The following PLCB1 variants were observed in gnomAD, a reference collection of about 807,000 sequenced individuals.
The protein encoded by PLCB1 is 1-phosphatidylinositol 4,5-bisphosphate phosphodiesterase beta-1.
A neutral mutation model predicts 161.8 loss-of-function variants in PLCB1; 46 were observed. The ratio of observed to expected loss-of-function variants is 0.28; its 90% CI spans 0.22 to 0.36. PLCB1 has a LOEUF of 0.36. Ranked by LOEUF, PLCB1 falls within the 10% of genes least tolerant of loss-of-function variation. The pLI, the probability that PLCB1 is intolerant of heterozygous loss-of-function variation, is 1.00. For missense variants in PLCB1, 1,016 were observed against 1,472.5 expected (o/e 0.69, Z 5.07); for synonymous variants, 517 against 503.7 (o/e 1.03, Z -0.35).
intron 1 of PLCB1, among the ~76,000 whole-genome samples, chr20:8,139,253 ATTTATT>A (rs1182821502): frequency 1.3e-5 from 2 of 151,744 alleles, no homozygotes; most frequent in South Asian, 2.1e-4. Flanking sequence ...TGCCCAGCTA[ATTTATT>A]TTTATTTTTA....
rs71331317 is a variant in PLCB1 at position 8,614,584 on chromosome 20, C to CTGTGTGTG, written c.247-13674_247-13667dup. 6.5e-3 allele frequency among the ~76,000 whole-genome samples: 956 copies of CTGTGTGTG among 147,218 alleles called. 7 individuals carry two copies. Among genetic ancestry groups the CTGTGTGTG allele is most frequent in the South Asian group, 0.025 (112 of 4,560 alleles). On this transcript the variant is annotated intron_variant, in intron 3 of 31. Transcript: ENST00000338037. ...ACTTTGATTCTAGTTATGTAAAATT[C>CTGTGTGTG]TGTGTGTGTGTGTGTGTGTGTGTGT...
chr20:8,820,660 T>A (rs1030653254), intron 31 of PLCB1, among the ~76,000 whole-genome samples: 1 of 152,150 alleles, frequency 6.6e-6, no homozygotes, highest in African/African-American at 2.4e-5. Context: ...GTAGCATATG[T>A]GTATCAGGAG....
intron 31 of PLCB1, among the ~76,000 whole-genome samples, chr20:8,854,623 A>G (rs1987006230): frequency 6.6e-6 from 1 of 152,234 alleles, no homozygotes; most frequent in African/African-American, 2.4e-5. Flanking sequence ...ATAAATTTCT[A>G]CTGGAAAAGG....
chr20:8,859,918 A>G (rs557760667), intron 31 of PLCB1, among the ~76,000 whole-genome samples: 1 of 152,054 alleles, frequency 6.6e-6, no homozygotes, highest in South Asian at 2.1e-4. Flanking sequence ...TTCTTTCTTT[A>G]TTGTATATAA....
intron 3 of PLCB1, among the ~76,000 whole-genome samples, chr20:8,391,808 T>TACACACACAC (rs1987608173): frequency 7.1e-6 from 1 of 140,118 alleles, no homozygotes; most frequent in Non-Finnish European, 1.5e-5. Flanking sequence ...TATATATATA[T>TACACACACAC]ATATATATAT....
intron 2 of PLCB1, among the ~76,000 whole-genome samples, chr20:8,302,476 C>T (rs934603815): frequency 2.6e-5 from 4 of 152,106 alleles, no homozygotes; most frequent in Admixed American, 6.5e-5. Context: ...GGCTCGATTG[C>T]GTCAAAATTA....
intron 2 of PLCB1, among the ~76,000 whole-genome samples, chr20:8,252,735 A>G (rs1981216184): frequency 6.6e-6 from 1 of 151,938 alleles, no homozygotes; most frequent in Admixed American, 6.6e-5. Context: ...TAGAGCACTG[A>G]GTGTAGAATT....
At position 8,883,979 on chromosome 20, in the gene PLCB1, A is replaced by G. The variant is rs1988087841; in HGVS notation, c.*2130A>G. 1 of 152,482 alleles carries G rather than the reference A, an allele frequency of 6.6e-6. No homozygotes were observed. Among genetic ancestry groups the G allele is most frequent in the Non-Finnish European group, 1.5e-5 (1 of 67,984 alleles). 9.4% of individuals were successfully genotyped at this position (152,482 alleles called of 1,614,324 possible). A position where few individuals can be genotyped will look rare whatever the true frequency, so the allele number is the denominator to read the frequency against. On this transcript the variant is annotated 3_prime_UTR_variant, in exon 32 of 32. Coordinates refer to ENST00000338037, the MANE Select transcript of PLCB1 (RefSeq NM_015192.4). ...TGAACTAATAATAGCATTCATAACC[A>G]AACACAATGATGATTATTGCAGAAC...
chr20:8,136,575 G>A (rs571446075), intron 1 of PLCB1, among the ~76,000 whole-genome samples: 10 of 150,620 alleles, frequency 6.6e-5, no homozygotes, highest in African/African-American at 2.0e-4. Flanking sequence ...GCAGTGAGCC[G>A]AGATCGCGCC....
chr20:8,368,581 A>G (rs1215729393), intron 2 of PLCB1, among the ~76,000 whole-genome samples: 2 of 151,674 alleles, frequency 1.3e-5, no homozygotes, highest in Non-Finnish European at 2.9e-5. Context: ...AAATATTACT[A>G]TTGATTAGGT....
intron 9 of PLCB1, among the ~76,000 whole-genome samples, chr20:8,684,413 C>T (rs1003207648): frequency 4.0e-5 from 6 of 151,782 alleles, no homozygotes; most frequent in East Asian, 3.9e-4. Context: ...CCACCATGCC[C>T]GGGTTAATTT....
chr20:8,706,069 A>G (rs569064650), intron 11 of PLCB1, among the ~76,000 whole-genome samples: 3 of 152,238 alleles, frequency 2.0e-5, no homozygotes, highest in Non-Finnish European at 4.4e-5. Flanking sequence ...GTGATTTACA[A>G]CCACAACGGT....
At chr20:8,256,845 A>G (rs1981446276) in intron 2 of PLCB1, 1 of 152,156 alleles carries the variant, frequency 6.6e-6, no homozygotes, top group Non-Finnish European at 1.5e-5. Flanking sequence ...TCCAGGATTA[A>G]GAGTAGAAGA....
At chr20:8,159,501 T>C (rs539811638) in intron 2 of PLCB1, among the ~76,000 whole-genome samples, 88 of 152,294 alleles carry the variant, frequency 5.8e-4, no homozygotes, top group Middle Eastern at 3.4e-3. Context: ...GTCTTGAGGA[T>C]TAACATTTGG....
chr20:8,787,514 C>A (rs1240081643), intron 27 of PLCB1, among the ~76,000 whole-genome samples: 1 of 152,196 alleles, frequency 6.6e-6, no homozygotes, highest in African/African-American at 2.4e-5. Context: ...ATGGGAAAAG[C>A]AGTGGGGGCT....
intron 2 of PLCB1, among the ~76,000 whole-genome samples, chr20:8,285,965 G>A (rs1290152996): frequency 6.6e-6 from 1 of 152,142 alleles, no homozygotes; most frequent in South Asian, 2.1e-4. Context: ...GGATACATTA[G>A]TCCTTTCATA....
intron 2 of PLCB1, among the ~76,000 whole-genome samples, chr20:8,260,929 C>T (rs908406904): frequency 6.6e-6 from 1 of 152,106 alleles, no homozygotes; most frequent in African/African-American, 2.4e-5. Flanking sequence ...ATGCCTTCCA[C>T]CAATCTGGAG....
At chr20:8,391,813 A>G (rs943553472) in intron 3 of PLCB1, among the ~76,000 whole-genome samples, 28 of 142,930 alleles carry the variant, frequency 2.0e-4, no homozygotes, top group Non-Finnish European at 2.7e-4. Flanking sequence ...ATATATATAT[A>G]TATATATATA....
intron 31 of PLCB1, among the ~76,000 whole-genome samples, chr20:8,871,810 A>AT (rs754188732): frequency 2.6e-5 from 4 of 152,154 alleles, no homozygotes; most frequent in Admixed American, 6.5e-5. Context: ...GCTGTAAGTG[A>AT]TTTTTTCTCT....
Sources: allele counts gnomAD v4.1 joint callset (sites outside exome capture counted in the v4.1 genomes callset), GRCh38; gene constraint gnomAD v4.1.1; transcripts MANE v1.5; gene names NCBI Gene and HGNC (gene_info 2026-07-23, HGNC 2026-07-21).